DMD: variants seen among roughly 807,000 people sequenced by gnomAD.
The protein encoded by DMD is mutant dystrophin.
DMD carries 63 observed loss-of-function variants against 330.1 expected under a neutral mutation model. The observed-to-expected ratio is 0.19, with a 90% CI of 0.16 to 0.24. The LOEUF (loss-of-function observed/expected upper bound fraction) is 0.24, where lower values mean the gene tolerates loss of function less well. Ranked by LOEUF, DMD falls within the 10% of genes least tolerant of loss-of-function variation. The pLI, the probability that DMD is intolerant of heterozygous loss-of-function variation, is 1.00. For synonymous variants in DMD, 1,223 were observed against 959.8 expected (o/e 1.27, Z -5.07); for missense variants, 3,344 against 2,684.1 (o/e 1.25, Z -5.43).
intron 7 of DMD, among the ~76,000 whole-genome samples, chrX:32,755,824 G>C (rs2071435702): frequency 8.9e-6 from 1 of 112,030 alleles, no homozygotes; most frequent in Non-Finnish European, 1.9e-5. Context: ...GTGAAAACAA[G>C]TTGGTTACAG....
intron 55 of DMD, among the ~76,000 whole-genome samples, chrX:31,563,765 TTAAA>T (rs1209000053): frequency 8.9e-6 from 1 of 112,128 alleles, no homozygotes; most frequent in African/African-American, 3.2e-5. Flanking sequence ...AGAGCACTGC[TTAAA>T]TAGATTATGA....
intron 12 of DMD, among the ~76,000 whole-genome samples, chrX:32,600,598 G>GCA (rs201249837): frequency 0.02 from 1,864 of 95,141 alleles, 17 homozygotes; most frequent in South Asian, 0.022. Context: ...ACACGCACAC[G>GCA]CACACACACA....
chrX:31,684,260 T>C (rs752719172), intron 52 of DMD, among the ~76,000 whole-genome samples: 1 of 111,127 alleles, frequency 9.0e-6, no homozygotes, highest in East Asian at 2.8e-4. Flanking sequence ...CAGAGGGGAG[T>C]TTGGTGTCAA....
chrX:33,178,687 A>T (rs1280952477), intron 1 of DMD, among the ~76,000 whole-genome samples: 1 of 112,654 alleles, frequency 8.9e-6, no homozygotes, highest in Non-Finnish European at 1.9e-5. Flanking sequence ...AAACGTGTGG[A>T]ATAGTTTCAT....
chrX:32,539,622 T>C (rs147943354), intron 17 of DMD, among the ~76,000 whole-genome samples: 464 of 111,546 alleles, frequency 4.2e-3, no homozygotes, highest in African/African-American at 0.014. Context: ...GAAACTGAAG[T>C]TATAATCAAT....
At chrX:31,471,434 G>A (rs1303902748) in intron 59 of DMD, among the ~76,000 whole-genome samples, 2 of 111,726 alleles carry the variant, frequency 1.8e-5, no homozygotes, top group Non-Finnish European at 3.8e-5. Context: ...CTTCCGGGGT[G>A]AGGCGACATC....
intron 51 of DMD, among the ~76,000 whole-genome samples, chrX:31,762,290 G>A (rs1331269284): frequency 9.1e-6 from 1 of 109,780 alleles, no homozygotes; most frequent in East Asian, 2.9e-4. Context: ...AAAAAGTCTT[G>A]CTGGGCACGG....
intron 1 of DMD, among the ~76,000 whole-genome samples, chrX:33,070,669 CTCTCTA>C (rs1253720198): frequency 3.7e-4 from 17 of 45,654 alleles, no homozygotes; most frequent in East Asian, 3.3e-3. Context: ...CTCTCTCTCT[CTCTCTA>C]TATATATATA....
intron 47 of DMD, among the ~76,000 whole-genome samples, chrX:31,901,074 C>G (rs1176712209): frequency 1.8e-5 from 2 of 111,465 alleles, no homozygotes; most frequent in Non-Finnish European, 3.8e-5. Context: ...CCTTTATGAA[C>G]CATTTACTGG....
chrX:32,943,890 A>C (rs2090604891), intron 2 of DMD, among the ~76,000 whole-genome samples: 1 of 112,048 alleles, frequency 8.9e-6, no homozygotes, highest in South Asian at 3.7e-4. Context: ...TTGTCCAAAT[A>C]TATGGGGTAC....
intron 47 of DMD, among the ~76,000 whole-genome samples, chrX:31,894,945 TA>T (rs771007769): frequency 2.3e-4 from 26 of 112,114 alleles, no homozygotes; most frequent in African/African-American, 8.4e-4. Context: ...TTCACTCATT[TA>T]AAAAACTGTT....
chrX:32,704,616 T>C (rs1293065793), intron 7 of DMD, among the ~76,000 whole-genome samples: 2 of 112,435 alleles, frequency 1.8e-5, no homozygotes, highest in Non-Finnish European at 3.8e-5. Context: ...AGTTGGTCAG[T>C]CTTTTAAGAG....
chrX:33,103,974 T>C (rs971853019), intron 1 of DMD, among the ~76,000 whole-genome samples: 1 of 111,784 alleles, frequency 8.9e-6, no homozygotes, highest in African/African-American at 3.3e-5. Context: ...AATTTAAGTG[T>C]TCCAAACTGA....
In DMD at chrX:32,698,006, G is replaced by C; in HGVS notation, c.832-8C>G. The C allele has an allele frequency of 8.4e-7, 1 of 1,186,958 alleles. No individual in the cohort carries two copies. Among genetic ancestry groups the C allele is most frequent in the Non-Finnish European group, 1.1e-6 (1 of 882,747 alleles). The stretch of plus-strand genomic sequence containing the variant: ...TGCTAGACTGACCGTGATCTGCAGA[G>C]AAGGGTTTGGGGGAGTGGATAGAGA... On this transcript the variant is annotated splice_polypyrimidine_tract_variant and splice_region_variant and intron_variant, in intron 8 of 78. Transcript: ENST00000357033.
At position 32,286,555 on chromosome X, in the gene DMD, A is replaced by C. The variant is rs773499371; in HGVS notation, c.6290+974T>G. On this transcript the variant is annotated intron_variant, in intron 43 of 78. Coordinates refer to ENST00000357033, the MANE Select transcript of DMD (RefSeq NM_004006.3). ...ACCAGATAATTTTGCACAATTAAGG[A>C]GTCAGGGTTTCATTCTCAAGGGAAT... Among the ~76,000 whole-genome samples the C allele has an allele frequency of 1.3e-4, 14 of 111,763 alleles. No homozygotes were observed. The East Asian group carries it at 4.0e-3, about 32-fold the overall frequency.
At chrX:32,554,831 GGAGAGAGAGAGAGAGA>G (rs770054797) in intron 16 of DMD, among the ~76,000 whole-genome samples, 2 of 8,544 alleles carry the variant, frequency 2.3e-4, no homozygotes, top group African/African-American at 5.0e-4. Context: ...GGAGGGGGAG[GGAGAGAGAGAGAGAGA>G]GAGAGAGAGA....
chrX:32,669,987 T>C (rs1312249861), intron 9 of DMD, among the ~76,000 whole-genome samples: 1 of 111,731 alleles, frequency 9.0e-6, no homozygotes, highest in Admixed American at 9.6e-5. Flanking sequence ...TTCGTGCTTC[T>C]TTCTCATTTA....
At chrX:32,627,726 A>T (rs1309815183) in intron 11 of DMD, among the ~76,000 whole-genome samples, 1 of 111,190 alleles carries the variant, frequency 9.0e-6, no homozygotes, top group African/African-American at 3.3e-5. Flanking sequence ...CACTGATTAT[A>T]AATATTAAAA....
intron 25 of DMD, among the ~76,000 whole-genome samples, chrX:32,460,768 A>G (rs955992880): frequency 9.0e-6 from 1 of 111,675 alleles, no homozygotes; most frequent in Non-Finnish European, 1.9e-5. Context: ...TGACTACCCA[A>G]TAGAAAGTAG....
Sources: allele counts gnomAD v4.1 joint callset (sites outside exome capture counted in the v4.1 genomes callset), GRCh38; gene constraint gnomAD v4.1.1; transcripts MANE v1.5; gene names NCBI Gene and HGNC (gene_info 2026-07-23, HGNC 2026-07-21).